The following C3orf49 variants were observed in gnomAD, a reference collection of about 807,000 sequenced individuals.
The protein encoded by C3orf49 is putative uncharacterized protein C3orf49.
Under a neutral mutation model 13.3 loss-of-function variants are expected in C3orf49, and 27 were observed. That is an observed-to-expected ratio of 2.02 (90% CI 1.49 to 2.79). The LOEUF is 2.79. C3orf49 is among the 30% of genes most tolerant of loss of function. The pLI, the probability that C3orf49 is intolerant of heterozygous loss-of-function variation, is 0.00. For synonymous variants in C3orf49, 87 were observed against 47.6 expected, an observed-to-expected ratio of 1.83 and a Z score of -3.40; for missense variants, 242 against 134.2, an observed-to-expected ratio of 1.80 and a Z score of -3.97.
At position 63,836,258 on chromosome 3, in the gene C3orf49, T is replaced by C. The variant is rs910124442; in HGVS notation, c.849+4414T>C. On this transcript the variant is annotated intron_variant, in intron 5 of 6. Transcript: ENST00000295896. ...GCCTACGGTAGTTTTCGAGCATTTA[T>C]GTATAAAGGTTAGTTCCTTTCAAAG... 6 of 1,573,616 alleles carry C rather than the reference T, an allele frequency of 3.8e-6. 1 individual carries two copies. The Middle Eastern group carries it at 5.1e-4, about 134-fold the overall frequency.
the C3orf49 span, among the ~76,000 whole-genome samples, chr3:63,801,800 G>A: frequency 6.9e-6 from 1 of 144,332 alleles, no homozygotes; most frequent in Non-Finnish European, 1.5e-5. Context: ...ACTTCAAGGA[G>A]CTCCCTTAAC....
intron 1 of C3orf49, among the ~76,000 whole-genome samples, chr3:63,822,007 G>A (rs967829260): frequency 3.3e-5 from 5 of 151,406 alleles, no homozygotes; most frequent in African/African-American, 7.3e-5. Context: ...ACAGAGTCTC[G>A]CTCTGTCGCC....
chr3:63,786,912 G>T, the C3orf49 span, among the ~76,000 whole-genome samples: 335 of 152,160 alleles, frequency 2.2e-3, 2 homozygotes, highest in Non-Finnish European at 1.9e-3. Context: ...TGGAAGTCAG[G>T]GTCTCTCATC....
chr3:63,841,340 T>A (rs1701756102), intron 5 of C3orf49, among the ~76,000 whole-genome samples: 2 of 152,224 alleles, frequency 1.3e-5, no homozygotes, highest in South Asian at 4.1e-4. Context: ...AAAAGATAAT[T>A]TTCCTGCATG....
At chr3:63,826,631 G>T (rs756463802) in intron 2 of C3orf49, among the ~76,000 whole-genome samples, 10 of 152,158 alleles carry the variant, frequency 6.6e-5, no homozygotes, top group Non-Finnish European at 1.3e-4. Context: ...ATTCATTGAG[G>T]TCTGAGGCTC....
intron 2 of C3orf49, among the ~76,000 whole-genome samples, chr3:63,823,973 G>GT (rs1701434811): frequency 1.3e-5 from 2 of 152,020 alleles, no homozygotes; most frequent in Non-Finnish European, 2.9e-5. Flanking sequence ...GCTAAATTTT[G>GT]TATTTTTACT....
the C3orf49 span, among the ~76,000 whole-genome samples, chr3:63,781,986 G>A: frequency 5.3e-5 from 8 of 152,132 alleles, no homozygotes; most frequent in Admixed American, 2.0e-4. Context: ...ATTTGACCCC[G>A]AGCCTATCTG....
chr3:63,842,768 G>C (rs1027954972), intron 5 of C3orf49, among the ~76,000 whole-genome samples: 3 of 152,096 alleles, frequency 2.0e-5, no homozygotes, highest in Non-Finnish European at 4.4e-5. Context: ...GTACACACTT[G>C]TGTAGTACAC....
chr3:63,810,791 G>A, the C3orf49 span, among the ~76,000 whole-genome samples: 42 of 152,228 alleles, frequency 2.8e-4, no homozygotes, highest in African/African-American at 8.7e-4. Context: ...CTTAACATAC[G>A]ATAATCTCTA....
In C3orf49 at chr3:63,820,949, G is replaced by C. The variant is rs13082416; in HGVS notation, c.125+1353G>C. 3.2e-3 allele frequency among the ~76,000 whole-genome samples: 492 copies of C among 152,180 alleles called. 1 individual carries two copies. The highest frequency in any genetic ancestry group is 5.3e-3 in the Non-Finnish European group (363 of 68,016). On this transcript the variant is annotated intron_variant, in intron 1 of 6. Transcript: ENST00000295896. ...TTTTGCCCTCTAGTGTGGGCTCCCT[G>C]CTTGCCTTTTAAGTTAATGGATTTT...
chr3:63,839,067 A>C (rs1258299043), intron 5 of C3orf49, among the ~76,000 whole-genome samples: 1 of 152,078 alleles, frequency 6.6e-6, no homozygotes, highest in Admixed American at 6.5e-5. Context: ...TTGCATGCCT[A>C]TAATCCCAGC....
chr3:63,838,468 G>A (rs376353845), intron 5 of C3orf49: 6 of 1,609,700 alleles, frequency 3.7e-6, no homozygotes, highest in Non-Finnish European at 5.1e-6. Flanking sequence ...CATTGAGACA[G>A]CGTGCTCAGC....
the C3orf49 span, among the ~76,000 whole-genome samples, chr3:63,811,727 T>C: frequency 6.6e-6 from 1 of 151,310 alleles, no homozygotes; most frequent in African/African-American, 2.4e-5. Flanking sequence ...ATAAAAAGAA[T>C]AAAAATAATC....
chr3:63,836,868 A>G (rs1210360644), intron 5 of C3orf49, among the ~76,000 whole-genome samples: 1 of 151,946 alleles, frequency 6.6e-6, no homozygotes, highest in African/African-American at 2.4e-5. Flanking sequence ...CCTCCAAGAT[A>G]AGTCATGTAA....
At chr3:63,790,828 T>G in the C3orf49 span, among the ~76,000 whole-genome samples, 2 of 152,202 alleles carry the variant, frequency 1.3e-5, no homozygotes, top group African/African-American at 4.8e-5. Flanking sequence ...AAAATTTGTG[T>G]GGAATTTATT....
chr3:63,839,132 G>A (rs1298150732), intron 5 of C3orf49, among the ~76,000 whole-genome samples: 2 of 152,132 alleles, frequency 1.3e-5, no homozygotes, highest in African/African-American at 2.4e-5. Flanking sequence ...GGAGGTTGCA[G>A]TGAGCCAAGA....
At chr3:63,825,133 C>T (rs1477516949) in intron 2 of C3orf49, among the ~76,000 whole-genome samples, 2 of 152,136 alleles carry the variant, frequency 1.3e-5, no homozygotes, top group African/African-American at 2.4e-5. Flanking sequence ...TCATAACATA[C>T]ATCCACCATA....
chr3:63,847,134 G>A (rs1295176206), intron 6 of C3orf49, among the ~76,000 whole-genome samples: 1 of 151,968 alleles, frequency 6.6e-6, no homozygotes, highest in Non-Finnish European at 1.5e-5. Context: ...ATTGGAAAAA[G>A]GACTGCTAAA....
the C3orf49 span, among the ~76,000 whole-genome samples, chr3:63,799,183 A>G: frequency 6.6e-6 from 1 of 152,158 alleles, no homozygotes; most frequent in Non-Finnish European, 1.5e-5. Flanking sequence ...TACGTGGTTG[A>G]ATTGCATGTT....
Sources: gnomAD v4.1 joint callset for allele counts (sites outside exome capture counted in the v4.1 genomes callset) on GRCh38, gnomAD v4.1.1 for gene constraint, MANE v1.5 for transcripts, NCBI Gene and HGNC (gene_info 2026-07-23, HGNC 2026-07-21) for gene names.